The following GABBR2 variants were observed in gnomAD, a reference collection of about 807,000 sequenced individuals.
GABBR2 encodes G-protein coupled receptor 51.
In GABBR2, 23 loss-of-function variants were observed where a neutral mutation model predicts 105.6. The observed-to-expected ratio is 0.22, with a 90% CI of 0.16 to 0.31. The LOEUF (loss-of-function observed/expected upper bound fraction) is 0.31. Ranked by LOEUF, GABBR2 falls within the 10% of genes least tolerant of loss-of-function variation. GABBR2 has a pLI of 1.00. For synonymous variants in GABBR2, 478 were observed against 499.7 expected (o/e 0.96, Z 0.58); for missense variants, 734 against 1,245.5 (o/e 0.59, Z 6.18).
chr9:98,597,311 G>A lies in GABBR2; in HGVS notation c.322-19239C>T, dbSNP rs151266031. Among the ~76,000 whole-genome samples the A allele has an allele frequency of 1.1e-4, 16 of 152,246 alleles. No homozygotes were observed. The South Asian group carries it at 3.3e-3, about 32-fold the overall frequency. ...CTTTGTGATCACAAACAACATGCCAGGGACAACATGCCAGGGACAACATGC... is the reference window on the plus strand; with the variant it reads ...CTTTGTGATCACAAACAACATGCCAAGGACAACATGCCAGGGACAACATGC... On this transcript the variant is annotated intron_variant, in intron 1 of 18. Coordinates refer to ENST00000259455, the MANE Select transcript of GABBR2 (RefSeq NM_005458.8).
chr9:98,349,789 C>T (rs1171162840), intron 13 of GABBR2, among the ~76,000 whole-genome samples: 1 of 152,076 alleles, frequency 6.6e-6, no homozygotes, highest in African/African-American at 2.4e-5. Context: ...GAAAGAATTT[C>T]CTCCTCTTCA....
chr9:98,362,305 T>A (rs368379527), intron 13 of GABBR2, among the ~76,000 whole-genome samples: 6 of 152,362 alleles, frequency 3.9e-5, no homozygotes, highest in African/African-American at 1.4e-4. Context: ...TGAAAAGAAA[T>A]ATATTGCCCA....
At chr9:98,647,958 GT>G (rs11294565) in intron 1 of GABBR2, among the ~76,000 whole-genome samples, 21,341 of 144,192 alleles carry the variant, frequency 0.15, 2,087 homozygotes, top group East Asian at 0.47. Context: ...TAAGTGTTTG[GT>G]TTTTTTTTTT....
chr9:98,627,035 A>G (rs560806563), intron 1 of GABBR2, among the ~76,000 whole-genome samples: 1 of 152,284 alleles, frequency 6.6e-6, no homozygotes, highest in Non-Finnish European at 1.5e-5. Flanking sequence ...TGCTTTTCAG[A>G]TGCTGCCTGT....
chr9:98,501,938 CAG>C (rs1246108020), intron 3 of GABBR2, among the ~76,000 whole-genome samples: 1 of 152,164 alleles, frequency 6.6e-6, no homozygotes, highest in Non-Finnish European at 1.5e-5. Context: ...GTCTGAACAG[CAG>C]AGACGAGCGC....
intron 8 of GABBR2, among the ~76,000 whole-genome samples, chr9:98,400,521 T>G (rs1832375936): frequency 6.6e-6 from 1 of 152,130 alleles, no homozygotes; most frequent in South Asian, 2.1e-4. Flanking sequence ...ATTCTGCTCT[T>G]GGAAACCTGT....
chr9:98,443,812 C>T (rs938624405), intron 7 of GABBR2, among the ~76,000 whole-genome samples: 5 of 152,138 alleles, frequency 3.3e-5, no homozygotes, highest in Non-Finnish European at 5.9e-5. Flanking sequence ...AGAGGGGAAC[C>T]GTTACATCCT....
intron 7 of GABBR2, among the ~76,000 whole-genome samples, chr9:98,413,965 A>G (rs1179697056): frequency 6.6e-6 from 1 of 152,254 alleles, no homozygotes; most frequent in Non-Finnish European, 1.5e-5. Context: ...ATACAGACAC[A>G]TGATGAAATA....
chr9:98,457,850 A>C (rs932745656), intron 6 of GABBR2, among the ~76,000 whole-genome samples: 2 of 152,230 alleles, frequency 1.3e-5, no homozygotes, highest in African/African-American at 4.8e-5. Flanking sequence ...AAAGTTCTTA[A>C]AGCAGGCCTC....
intron 3 of GABBR2, among the ~76,000 whole-genome samples, chr9:98,531,089 C>A (rs1828059102): frequency 6.6e-6 from 1 of 152,168 alleles, no homozygotes; most frequent in South Asian, 2.1e-4. Context: ...GAAGAAGGCA[C>A]ACTCAGTCAA....
chr9:98,543,487 C>A (rs1828343098), intron 2 of GABBR2, among the ~76,000 whole-genome samples: 1 of 152,112 alleles, frequency 6.6e-6, no homozygotes, highest in South Asian at 2.1e-4. Flanking sequence ...CTGCCTTAGT[C>A]TCCGGGGTAG....
At chr9:98,707,966 G>A (rs1830922111) in intron 1 of GABBR2, among the ~76,000 whole-genome samples, 1 of 152,236 alleles carries the variant, frequency 6.6e-6, no homozygotes, top group Admixed American at 6.5e-5. Flanking sequence ...GCTTCCCTGG[G>A]GGCCTGTGAG....
chr9:98,397,894 C>T (rs1242999151), intron 8 of GABBR2, among the ~76,000 whole-genome samples: 1 of 152,164 alleles, frequency 6.6e-6, no homozygotes, highest in Non-Finnish European at 1.5e-5. Context: ...TATAAGGTCT[C>T]ATCCCCTGCA....
chr9:98,692,931 C>T (rs1459284406), intron 1 of GABBR2, among the ~76,000 whole-genome samples: 5 of 152,138 alleles, frequency 3.3e-5, no homozygotes, highest in Admixed American at 2.0e-4. Flanking sequence ...CAGACTTAAC[C>T]GGGTCGATAC....
chr9:98,297,933 A>G (rs1203841406), intron 17 of GABBR2, among the ~76,000 whole-genome samples: 1 of 151,228 alleles, frequency 6.6e-6, no homozygotes, highest in African/African-American at 2.4e-5. Context: ...CTGAGGTAGG[A>G]GAATTGCTTG....
At chr9:98,538,027 G>C (rs1828215092) in intron 3 of GABBR2, among the ~76,000 whole-genome samples, 1 of 152,158 alleles carries the variant, frequency 6.6e-6, no homozygotes, top group Non-Finnish European at 1.5e-5. Context: ...GCACATAGGA[G>C]GCCACACTGA....
chr9:98,391,474 A>G (rs1832179368), intron 9 of GABBR2, among the ~76,000 whole-genome samples: 2 of 152,210 alleles, frequency 1.3e-5, no homozygotes, highest in Non-Finnish European at 2.9e-5. Flanking sequence ...GCTGGGGTCC[A>G]GGTGATGTGA....
chr9:98,648,112 T>TAGATAGATAGATAGATA (rs1290908248), intron 1 of GABBR2, among the ~76,000 whole-genome samples: 4 of 49,872 alleles, frequency 8.0e-5, no homozygotes, highest in South Asian at 8.7e-4. Context: ...TGTGTGTGTG[T>TAGATAGATAGATAGATA]GTGTATAGAT....
intron 1 of GABBR2, among the ~76,000 whole-genome samples, chr9:98,696,181 A>C (rs1830748894): frequency 6.6e-6 from 1 of 152,252 alleles, no homozygotes; most frequent in African/African-American, 2.4e-5. Flanking sequence ...CAGAGAATGC[A>C]CACTTGATCT....
Sources: allele counts gnomAD v4.1 joint callset (sites outside exome capture counted in the v4.1 genomes callset), GRCh38; gene constraint gnomAD v4.1.1; transcripts MANE v1.5; gene names NCBI Gene and HGNC (gene_info 2026-07-23, HGNC 2026-07-21).